Variants in TENM3 observed in about 807,000 individuals in gnomAD.
TENM3 encodes teneurin-3.
A neutral mutation model predicts 255.1 loss-of-function variants in TENM3; 63 were observed. That is an observed-to-expected ratio of 0.25 (90% CI 0.20 to 0.30). TENM3 has a LOEUF of 0.30. Among genes scored for constraint, TENM3 ranks in the 10% least tolerant of loss-of-function variants. The pLI is 1.00. For synonymous variants in TENM3, 1,306 were observed against 1,322.3 expected (o/e 0.99, Z 0.27); for missense variants, 2,929 against 3,461.1 (o/e 0.85, Z 3.86).
the TENM3 span, among the ~76,000 whole-genome samples, chr4:181,857,360 G>A: frequency 6.6e-6 from 1 of 151,394 alleles, no homozygotes; most frequent in Non-Finnish European, 1.5e-5. Flanking sequence ...GTGAGGGGAG[G>A]GGTGGACCAG....
the TENM3 span, among the ~76,000 whole-genome samples, chr4:181,622,550 C>T: frequency 1.3e-5 from 2 of 151,966 alleles, no homozygotes; most frequent in African/African-American, 2.4e-5. Flanking sequence ...GTGGCAAGAG[C>T]GTGTAATGTC....
Position 182,799,946 on chromosome 4 carries a change from C to G in TENM3, c.7695C>G (p.Thr2565=), listed in dbSNP as rs1212341199. 6.3e-7 allele frequency: 1 copy of G among 1,594,232 alleles called. No homozygotes were observed. Among genetic ancestry groups the G allele is most frequent in the South Asian group, 1.1e-5 (1 of 87,960 alleles). The change falls in exon 28 of 28, where the codon ACC becomes ACG. Residue 2565 remains threonine, a synonymous_variant. Coordinates refer to ENST00000511685, the MANE Select transcript of TENM3 (RefSeq NM_001080477.4). This position sits in a 1 kb window ranked among gnomAD's most constrained non-coding sequence, Gnocchi z 4.2. ...GCGACCTGGGCACGCTGCGGTTGACCAGCGGCCGCAAGGCGCTGGAGAACG... is the reference window on the plus strand; with the variant it reads ...GCGACCTGGGCACGCTGCGGTTGACGAGCGGCCGCAAGGCGCTGGAGAACG... The part of the protein sequence containing the change: ...PESDLGTLRL[T]SGRKALENGI...
the TENM3 span, among the ~76,000 whole-genome samples, chr4:181,897,037 C>T: frequency 1.3e-5 from 2 of 149,846 alleles, no homozygotes; most frequent in East Asian, 1.9e-4. Flanking sequence ...AAAAAGAACT[C>T]CTGCTTTTCA....
chr4:181,649,084 C>A, the TENM3 span, among the ~76,000 whole-genome samples: 1 of 152,184 alleles, frequency 6.6e-6, no homozygotes, highest in Non-Finnish European at 1.5e-5. Context: ...GTGGGCAAGG[C>A]AAGGCCTCTG....
chr4:182,793,211 G>A lies in TENM3; in HGVS notation c.6539G>A (p.Arg2180Lys). ...LTPLRYDLRD[R>K]ITRLGDVQYR... ...CCCCTTCGCTATGACCTGCGAGACA[G>A]AATCACTCGACTGGGTGATGTTCAA... The change falls in exon 26 of 28, where the codon AGA becomes AAA. Residue 2180 changes from arginine to lysine, a missense_variant. Physicochemically the swap from Arg to Lys is conservative, Grantham distance 26. Transcript: ENST00000511685. The surrounding 1 kb of genome is among the most constrained non-coding windows in gnomAD (Gnocchi z 5.7). 1 of 1,613,930 alleles carries A rather than the reference G, an allele frequency of 6.2e-7. No individual in the cohort carries two copies. Among genetic ancestry groups the A allele is most frequent in the Non-Finnish European group, 8.5e-7 (1 of 1,179,816 alleles).
intron 12 of TENM3, among the ~76,000 whole-genome samples, chr4:182,709,512 T>G (rs776683808): frequency 2.0e-5 from 3 of 152,214 alleles, no homozygotes; most frequent in Admixed American, 6.5e-5. Flanking sequence ...TTTTTATGAT[T>G]ATTATTTCTA....
chr4:181,945,714 G>A, the TENM3 span, among the ~76,000 whole-genome samples: 2 of 152,010 alleles, frequency 1.3e-5, no homozygotes, highest in African/African-American at 4.8e-5. Context: ...TTTATATTTC[G>A]TTAATTATCT....
the TENM3 span, among the ~76,000 whole-genome samples, chr4:181,551,690 CTGGGAAA>C: frequency 6.6e-6 from 1 of 151,872 alleles, no homozygotes; most frequent in Non-Finnish European, 1.5e-5. Flanking sequence ...ATATACTGTG[CTGGGAAA>C]TGGGAAATGG....
chr4:181,717,783 C>T, the TENM3 span, among the ~76,000 whole-genome samples: 2 of 151,984 alleles, frequency 1.3e-5, no homozygotes, highest in South Asian at 2.1e-4. Flanking sequence ...CCTTACTGAA[C>T]GATGTGGCAC....
the TENM3 span, among the ~76,000 whole-genome samples, chr4:181,666,496 G>T: frequency 6.6e-6 from 1 of 152,058 alleles, no homozygotes; most frequent in African/African-American, 2.4e-5. Flanking sequence ...TTAAAAAGCA[G>T]AATTGGCATT....
chr4:181,954,831 A>G, the TENM3 span, among the ~76,000 whole-genome samples: 7 of 152,162 alleles, frequency 4.6e-5, no homozygotes, highest in African/African-American at 9.7e-5. Flanking sequence ...TTGAGTTTTC[A>G]TGATTGGATC....
the TENM3 span, among the ~76,000 whole-genome samples, chr4:181,665,218 T>C: frequency 1.3e-5 from 2 of 152,174 alleles, no homozygotes; most frequent in Non-Finnish European, 2.9e-5. Flanking sequence ...TTTTAACAGA[T>C]ACCTGGGACA....
At chr4:182,168,193 G>C (rs1751849949) in intron 1 of TENM3, among the ~76,000 whole-genome samples, 1 of 151,480 alleles carries the variant, frequency 6.6e-6, no homozygotes, top group Admixed American at 6.6e-5. Context: ...GGAGTGCAGT[G>C]GTGCAATCAC....
chr4:182,019,009 T>C, the TENM3 span, among the ~76,000 whole-genome samples: 2 of 152,158 alleles, frequency 1.3e-5, no homozygotes, highest in Admixed American at 6.5e-5. Flanking sequence ...CAAGTCGAAG[T>C]TGTATCTCAG....
chr4:181,878,559 TGA>T, the TENM3 span, among the ~76,000 whole-genome samples: 1 of 152,208 alleles, frequency 6.6e-6, no homozygotes, highest in African/African-American at 2.4e-5. Flanking sequence ...TTGTAAATGC[TGA>T]GAGTTTACCT....
chr4:182,054,988 T>C, the TENM3 span, among the ~76,000 whole-genome samples: 1 of 152,122 alleles, frequency 6.6e-6, no homozygotes, highest in Non-Finnish European at 1.5e-5. Context: ...CCTTGATGTT[T>C]CTTCTCACCA....
chr4:181,905,857 C>T, the TENM3 span: 2 of 452,566 alleles, frequency 4.4e-6, no homozygotes, highest in Non-Finnish European at 8.4e-6. Flanking sequence ...TTTGAGATAT[C>T]ATCATTATCT....
intron 3 of TENM3, among the ~76,000 whole-genome samples, chr4:182,408,734 G>A (rs763261789): frequency 3.9e-5 from 6 of 152,312 alleles, no homozygotes; most frequent in South Asian, 2.1e-4. Flanking sequence ...AGTGGATTCC[G>A]TGTAGATGAA....
the TENM3 span, among the ~76,000 whole-genome samples, chr4:181,622,724 G>A: frequency 2.0e-5 from 3 of 152,082 alleles, no homozygotes; most frequent in African/African-American, 7.2e-5. Flanking sequence ...TGAGACGGGA[G>A]GGCTTCATTG....
Sources: gnomAD v4.1 joint callset for allele counts (sites outside exome capture counted in the v4.1 genomes callset) on GRCh38, gnomAD v4.1.1 for gene constraint, Gnocchi (gnomAD v3.1) non-coding constraint, MANE v1.5 for transcripts, NCBI Gene and HGNC (gene_info 2026-07-23, HGNC 2026-07-21) for gene names.